The following GPC5 variants were observed in gnomAD, a reference collection of about 807,000 sequenced individuals.
GPC5 encodes glypican-5.
In GPC5, 47 loss-of-function variants were observed where a neutral mutation model predicts 53.9. That is an observed-to-expected ratio of 0.87 (90% CI 0.69 to 1.11). The LOEUF is 1.11. Ranked by LOEUF, GPC5 falls within the 50% of genes most tolerant of loss-of-function variation. The pLI, the probability that GPC5 is intolerant of heterozygous loss-of-function variation, is 0.00. For synonymous variants in GPC5, 286 were observed against 263.3 expected (o/e 1.09, Z -0.84); for missense variants, 748 against 713.1 (o/e 1.05, Z -0.56).
intron 6 of GPC5, among the ~76,000 whole-genome samples, chr13:91,911,814 G>A (rs1427646518): frequency 6.6e-6 from 1 of 152,180 alleles, no homozygotes; most frequent in East Asian, 1.9e-4. Flanking sequence ...GGAGATAGAA[G>A]AAGGATGATA....
At chr13:91,973,195 T>G (rs190578625) in intron 6 of GPC5, among the ~76,000 whole-genome samples, 3,573 of 152,242 alleles carry the variant, frequency 0.023, 135 homozygotes, top group African/African-American at 0.082. Context: ...TAAACTTCCC[T>G]TCTTGCTTCA....
intron 6 of GPC5, among the ~76,000 whole-genome samples, chr13:92,124,456 G>A (rs1442908924): frequency 6.6e-6 from 1 of 151,788 alleles, no homozygotes; most frequent in East Asian, 1.9e-4. Context: ...ATTGCAAAAA[G>A]GAAAAAAAGT....
intron 6 of GPC5, among the ~76,000 whole-genome samples, chr13:91,937,236 CTTGAG>C (rs1268952729): frequency 3.3e-5 from 5 of 152,026 alleles, no homozygotes; most frequent in African/African-American, 1.2e-4. Context: ...CCCTCTTTCT[CTTGAG>C]TTATTTTCAT....
At chr13:92,143,148 C>T (rs952863610) in intron 6 of GPC5, among the ~76,000 whole-genome samples, 1 of 152,028 alleles carries the variant, frequency 6.6e-6, no homozygotes, top group Non-Finnish European at 1.5e-5. Flanking sequence ...CTGATTTATT[C>T]AGTAACTTAC....
intron 7 of GPC5, among the ~76,000 whole-genome samples, chr13:92,427,963 A>T (rs569218664): frequency 6.6e-6 from 1 of 152,262 alleles, no homozygotes; most frequent in South Asian, 2.1e-4. Context: ...CAAAATAATA[A>T]TGTGGAATAA....
chr13:91,640,360 G>T (rs1259291295), intron 2 of GPC5, among the ~76,000 whole-genome samples: 3 of 152,258 alleles, frequency 2.0e-5, no homozygotes, highest in South Asian at 2.1e-4. Flanking sequence ...CATTCATGTG[G>T]CCAAGAAACA....
chr13:91,849,452 A>G (rs1320014244), intron 5 of GPC5, among the ~76,000 whole-genome samples: 6 of 152,266 alleles, frequency 3.9e-5, no homozygotes, highest in Middle Eastern at 3.4e-3. Context: ...TATATTTTAT[A>G]CCTTCCAGTA....
intron 7 of GPC5, among the ~76,000 whole-genome samples, chr13:92,201,044 T>C (rs2042291679): frequency 6.6e-6 from 1 of 151,706 alleles, no homozygotes; most frequent in African/African-American, 2.4e-5. Flanking sequence ...TTCTCTCTCT[T>C]CCTATTCTTT....
intron 7 of GPC5, among the ~76,000 whole-genome samples, chr13:92,440,651 T>C (rs533974817): frequency 1.3e-5 from 2 of 152,320 alleles, no homozygotes; most frequent in East Asian, 1.9e-4. Flanking sequence ...ATAGTTCAGC[T>C]CTTGGTTATT....
intron 6 of GPC5, among the ~76,000 whole-genome samples, chr13:92,058,236 A>AT (rs1348683463): frequency 6.6e-6 from 1 of 152,192 alleles, no homozygotes; most frequent in Non-Finnish European, 1.5e-5. Context: ...TGTGTTGCCC[A>AT]TGCTGGTCTT....
In GPC5 at chr13:91,509,773, G is replaced by A. The variant is rs555987392; in HGVS notation, c.325+60851G>A. 2.6e-5 allele frequency among the ~76,000 whole-genome samples: 4 copies of A among 151,956 alleles called. No individual in the cohort carries two copies. In the South Asian group the frequency reaches 8.3e-4, roughly 32 times the overall value. ...ATAATCTTTGTATATGCTTTATATT[G>A]GGCATTGGACCAGGTATCTAGTTTA... is the stretch of plus-strand genomic sequence containing the variant. On this transcript the variant is annotated intron_variant, in intron 2 of 7. Transcript: ENST00000377067.
At chr13:92,114,923 T>G (rs924834078) in intron 6 of GPC5, among the ~76,000 whole-genome samples, 3 of 152,208 alleles carry the variant, frequency 2.0e-5, no homozygotes, top group African/African-American at 7.2e-5. Context: ...TGATCCGAGT[T>G]CTGTTTCTGA....
At chr13:92,202,276 C>T (rs931419191) in intron 7 of GPC5, among the ~76,000 whole-genome samples, 2 of 152,010 alleles carry the variant, frequency 1.3e-5, no homozygotes, top group Non-Finnish European at 2.9e-5. Flanking sequence ...CTAATGTTTC[C>T]AGTTGAGATA....
chr13:91,828,849 A>T (rs1039877052), intron 5 of GPC5, among the ~76,000 whole-genome samples: 1 of 152,078 alleles, frequency 6.6e-6, no homozygotes, highest in African/African-American at 2.4e-5. Flanking sequence ...TAAACAAAAA[A>T]ATGTACAAAA....
chr13:92,677,545 T>C (rs1166204452), intron 7 of GPC5, among the ~76,000 whole-genome samples: 1 of 152,172 alleles, frequency 6.6e-6, no homozygotes, highest in African/African-American at 2.4e-5. Flanking sequence ...AAAGAAGAGA[T>C]AATTTAAAGA....
At chr13:92,318,060 C>G (rs569594875) in intron 7 of GPC5, among the ~76,000 whole-genome samples, 3 of 152,182 alleles carry the variant, frequency 2.0e-5, no homozygotes, top group African/African-American at 7.2e-5. Flanking sequence ...CCTCATTTGC[C>G]TGATAGAAGC....
chr13:91,895,813 G>T (rs2039435055), intron 5 of GPC5, among the ~76,000 whole-genome samples: 2 of 152,034 alleles, frequency 1.3e-5, no homozygotes, highest in Admixed American at 6.6e-5. Context: ...ACAGGAATTT[G>T]TTCTCTTACT....
chr13:92,059,914 G>A (rs971135542), intron 6 of GPC5: 5 of 151,582 alleles, frequency 3.3e-5, no homozygotes, highest in East Asian at 3.9e-4. Context: ...TAATGCCTAC[G>A]TAACATGCCC....
At chr13:91,830,074 G>A (rs1242924498) in intron 5 of GPC5, among the ~76,000 whole-genome samples, 1 of 151,562 alleles carries the variant, frequency 6.6e-6, no homozygotes, top group African/African-American at 2.4e-5. Context: ...AGAAGCCTGG[G>A]AGTGCTATGG....
Sources: gnomAD v4.1 joint callset for allele counts (sites outside exome capture counted in the v4.1 genomes callset) on GRCh38, gnomAD v4.1.1 for gene constraint, MANE v1.5 for transcripts, NCBI Gene and HGNC (gene_info 2026-07-23, HGNC 2026-07-21) for gene names.